FNBP1: variants seen among roughly 807,000 people sequenced by gnomAD.
FNBP1 encodes the protein formin-binding protein 1.
A neutral mutation model predicts 90.6 loss-of-function variants in FNBP1; 26 were observed. The ratio of observed to expected loss-of-function variants is 0.29; its 90% CI spans 0.21 to 0.40. The LOEUF (loss-of-function observed/expected upper bound fraction) is 0.40, where lower values mean the gene tolerates loss of function less well. Ranked by LOEUF, FNBP1 falls within the 10% of genes least tolerant of loss-of-function variation. The pLI, the probability that FNBP1 is intolerant of heterozygous loss-of-function variation, is 1.00. For missense variants in FNBP1, 635 were observed against 768.0 expected, an observed-to-expected ratio of 0.83 and a Z score of 2.05; for synonymous variants, 260 against 265.2, an observed-to-expected ratio of 0.98 and a Z score of 0.19.
At chr9:129,931,554 C>A (rs527503545) in intron 6 of FNBP1, among the ~76,000 whole-genome samples, 1 of 151,640 alleles carries the variant, frequency 6.6e-6, no homozygotes, top group Non-Finnish European at 1.5e-5. Flanking sequence ...TGCAATGAGC[C>A]GAGATCGCGC....
chr9:129,890,980 A>G lies in FNBP1; in HGVS notation c.1847-434T>C, dbSNP rs889043283. 3.3e-5 allele frequency among the ~76,000 whole-genome samples: 5 copies of G among 151,518 alleles called. No homozygotes were observed. The highest frequency in any genetic ancestry group is 1.2e-4 in the African/African-American group (5 of 41,156). ...GACCAGCCTGGCTAACATGGTGAAA[A>G]CCCATCTCTATTAAAAATACAACAA... On this transcript the variant is annotated intron_variant, in intron 16 of 16. Coordinates refer to ENST00000446176, the MANE Select transcript of FNBP1 (RefSeq NM_015033.3). This position sits in a 1 kb window ranked among gnomAD's most constrained non-coding sequence, Gnocchi z 5.8.
chr9:129,946,877 C>G (rs1240358451), intron 6 of FNBP1, among the ~76,000 whole-genome samples: 2 of 152,212 alleles, frequency 1.3e-5, no homozygotes, highest in African/African-American at 2.4e-5. Context: ...TTAGAAAACA[C>G]TGTTCTCTCT....
intron 6 of FNBP1, among the ~76,000 whole-genome samples, chr9:129,951,981 C>T (rs1345470789): frequency 6.6e-6 from 1 of 151,554 alleles, no homozygotes; most frequent in Non-Finnish European, 1.5e-5. Context: ...CACCTGAAGG[C>T]AGGAGTTCGA....
intron 12 of FNBP1, among the ~76,000 whole-genome samples, chr9:129,908,636 T>C (rs2038633919): frequency 1.3e-5 from 2 of 152,144 alleles, no homozygotes; most frequent in Admixed American, 1.3e-4. Context: ...CACTGCAACC[T>C]CTGCCTCCTG....
At chr9:130,039,630 C>T (rs993287345) in intron 1 of FNBP1, among the ~76,000 whole-genome samples, 1 of 146,746 alleles carries the variant, frequency 6.8e-6, no homozygotes, top group African/African-American at 2.5e-5. Flanking sequence ...GAGCCAAGAT[C>T]GTGACAGTGC....
At chr9:130,025,649 C>T (rs1177360655) in intron 1 of FNBP1, among the ~76,000 whole-genome samples, 1 of 152,228 alleles carries the variant, frequency 6.6e-6, no homozygotes, top group Non-Finnish European at 1.5e-5. Context: ...GAAGGCCGGG[C>T]GCAGTGGCTC....
chr9:129,908,563 A>T (rs1279056887), intron 12 of FNBP1, among the ~76,000 whole-genome samples: 6 of 141,136 alleles, frequency 4.3e-5, no homozygotes, highest in Non-Finnish European at 9.3e-5. Flanking sequence ...ATTATTTTTT[A>T]TTTTTTTGAG....
intron 1 of FNBP1, among the ~76,000 whole-genome samples, chr9:130,028,532 A>G (rs2058548245): frequency 6.6e-6 from 1 of 152,038 alleles, no homozygotes; most frequent in South Asian, 2.1e-4. Context: ...GACTTGGTAC[A>G]TTAGTTCTAC....
intron 6 of FNBP1, among the ~76,000 whole-genome samples, chr9:129,942,377 G>T (rs573524563): frequency 6.6e-6 from 1 of 152,068 alleles, no homozygotes; most frequent in Non-Finnish European, 1.5e-5. Flanking sequence ...CCCCCTTTAC[G>T]TCTGACTTGG....
intron 16 of FNBP1, among the ~76,000 whole-genome samples, chr9:129,893,616 A>AAAAAAAAAAAAAAAAAAG (rs2035335522): frequency 8.7e-6 from 1 of 115,474 alleles, no homozygotes; most frequent in Non-Finnish European, 1.8e-5. Context: ...CTGTCTCAAA[A>AAAAAAAAAAAAAAAAAAG]AAAAAAAAAA....
rs142114375 is a variant in FNBP1, at chr9:129,887,982, G to C, written c.*2557C>G. 1 of 232,606 alleles carries C rather than the reference G, an allele frequency of 4.3e-6. No homozygotes were observed. The highest frequency in any genetic ancestry group is 2.2e-5 in the African/African-American group (1 of 45,440). 14.4% of individuals were successfully genotyped at this position (232,606 alleles called of 1,614,324 possible). ...ACAACTGACCTCCTCTAAGAAGCCC[G>C]GCTGGGGCAGCAGTGAGCTTTTCAT... On this transcript the variant is annotated 3_prime_UTR_variant, in exon 17 of 17. Transcript: ENST00000446176.
At chr9:129,944,225 T>A (rs542718355) in intron 6 of FNBP1, among the ~76,000 whole-genome samples, 1 of 151,942 alleles carries the variant, frequency 6.6e-6, no homozygotes, top group African/African-American at 2.4e-5. Context: ...TTGTTGAATG[T>A]CTAGATGCCC....
intron 4 of FNBP1, among the ~76,000 whole-genome samples, chr9:129,971,273 ATAACATT>A (rs1287154396): frequency 2.0e-5 from 3 of 152,210 alleles, no homozygotes; most frequent in African/African-American, 7.2e-5. Flanking sequence ...ATGGATATTC[ATAACATT>A]AAAATGAACT....
chr9:130,013,852 G>A (rs1341188000), intron 1 of FNBP1: 3 of 435,562 alleles, frequency 6.9e-6, no homozygotes, highest in Admixed American at 2.6e-5. Flanking sequence ...AAGGGAGTTT[G>A]ATGCCCTCTT....
chr9:129,975,516 G>C (rs2050162789), intron 4 of FNBP1, among the ~76,000 whole-genome samples: 1 of 151,970 alleles, frequency 6.6e-6, no homozygotes, highest in Admixed American at 6.6e-5. Context: ...TTAACAAAAG[G>C]AACTAAATCC....
At chr9:129,944,728 C>T (rs1286943191) in intron 6 of FNBP1, among the ~76,000 whole-genome samples, 1 of 152,144 alleles carries the variant, frequency 6.6e-6, no homozygotes, top group Non-Finnish European at 1.5e-5. Flanking sequence ...CCTTGAGGTG[C>T]ATATGCATCC....
At chr9:129,896,882 C>A (rs1307605846) in intron 15 of FNBP1, among the ~76,000 whole-genome samples, 1 of 152,224 alleles carries the variant, frequency 6.6e-6, no homozygotes, top group Non-Finnish European at 1.5e-5. Flanking sequence ...CCACCCGCCT[C>A]GGCCTCCCAA....
chr9:129,910,218 C>T (rs1264251305), intron 11 of FNBP1: 1 of 455,900 alleles, frequency 2.2e-6, no homozygotes, highest in Admixed American at 2.4e-5. Flanking sequence ...CACGGTGGCT[C>T]ATGCCTGTAA....
intron 1 of FNBP1, among the ~76,000 whole-genome samples, chr9:130,008,588 C>T (rs549995408): frequency 6.6e-6 from 1 of 152,132 alleles, no homozygotes; most frequent in African/African-American, 2.4e-5. Flanking sequence ...AAAAATGCTC[C>T]ATTTTATTGT....
Sources: allele counts gnomAD v4.1 joint callset (sites outside exome capture counted in the v4.1 genomes callset), GRCh38; gene constraint gnomAD v4.1.1; non-coding constraint Gnocchi (gnomAD v3.1); transcripts MANE v1.5; gene names NCBI Gene and HGNC (gene_info 2026-07-23, HGNC 2026-07-21).